The following AGPAT3 variants were observed in gnomAD, a reference collection of about 807,000 sequenced individuals.
AGPAT3 encodes 1-acyl-sn-glycerol-3-phosphate acyltransferase gamma.
A neutral mutation model predicts 47.3 loss-of-function variants in AGPAT3; 5 were observed. That is an observed-to-expected ratio of 0.11 (90% confidence interval 0.06 to 0.22). The LOEUF is 0.22. AGPAT3 is among the 10% of genes least tolerant of loss of function. The probability of loss-of-function intolerance (pLI) is 1.00; values close to 1 mark genes in which losing one functional copy is unlikely to be tolerated. For missense variants in AGPAT3, 315 were observed against 493.0 expected, an observed-to-expected ratio of 0.64 and a Z score of 3.42; for synonymous variants, 212 against 208.3, an observed-to-expected ratio of 1.02 and a Z score of -0.15.
At chr21:43,969,032 G>A in intron 4 of AGPAT3, 86 bp from the exon 5 acceptor site, 1 of 1,426,962 alleles carries the variant, frequency 7.0e-7, no homozygotes, top group Admixed American at 1.9e-5. Flanking sequence ...CACCACACAG[G>A]AGCTGGGTGC....
chr21:43,901,146 T>C (rs1178343476), intron 1 of AGPAT3, among the ~76,000 whole-genome samples: 1 of 151,808 alleles, frequency 6.6e-6, no homozygotes, highest in African/African-American at 2.4e-5. Context: ...TAAAAAGATA[T>C]GTGTTCTTTT....
chr21:43,968,582 T>C (rs1479256185), intron 4 of AGPAT3, among the ~76,000 whole-genome samples: 1 of 151,942 alleles, frequency 6.6e-6, no homozygotes, highest in Non-Finnish European at 1.5e-5. Context: ...TCCGAGTCCC[T>C]GGGTGTTCCT....
chr21:43,866,157 T>G (rs1601171091), intron 1 of AGPAT3, among the ~76,000 whole-genome samples: 1 of 145,304 alleles, frequency 6.9e-6, no homozygotes, highest in African/African-American at 2.5e-5. Context: ...AGAAGTTTAG[T>G]GACATGGGGA....
intron 1 of AGPAT3, among the ~76,000 whole-genome samples, chr21:43,899,023 A>G (rs1304573991): frequency 1.3e-5 from 2 of 152,076 alleles, no homozygotes; most frequent in Non-Finnish European, 2.9e-5. Context: ...GCCTGATTAC[A>G]TTTTGTGTTA....
chr21:43,960,084 CT>C (rs1177236324), intron 3 of AGPAT3, among the ~76,000 whole-genome samples: 1 of 152,222 alleles, frequency 6.6e-6, no homozygotes, highest in Non-Finnish European at 1.5e-5. Context: ...GCAATGGCAG[CT>C]TCCCACGGTT....
rs545228586 is a variant in AGPAT3, at chr21:43,880,360, G to A, written c.-112+15015G>A. Among the ~76,000 whole-genome samples the A allele has an allele frequency of 1.3e-5, 2 of 152,320 alleles. No homozygotes were observed. The highest frequency in any genetic ancestry group is 4.8e-5 in the African/African-American group (2 of 41,584). ...GAGAGGCATCTGCAGGGGCGGGGTG[G>A]GGCTCCTGGTCAGCCTGTTCTTGTC... On this transcript the variant is annotated intron_variant, in intron 1 of 9. Transcript: ENST00000291572. The surrounding 1 kb of genome is among the most constrained non-coding windows in gnomAD (Gnocchi z 4.5).
chr21:43,865,294 CG>C lies in AGPAT3; in HGVS notation c.-161del. ...GAGCGCGGCGGCCAGAGCGGGGCCG[CG>C]GAGGCGACGCCGGGGACGCCCGCGC... On this transcript the variant is annotated 5_prime_UTR_variant, in exon 1 of 10. Transcript: ENST00000291572. 1 of 146,922 alleles carries C rather than the reference CG, an allele frequency of 6.8e-6. No individual in the cohort carries two copies. Among genetic ancestry groups the C allele is most frequent in the Non-Finnish European group, 1.5e-5 (1 of 65,852 alleles). 9.1% of individuals were successfully genotyped at this position (146,922 alleles called of 1,614,324 possible).
intron 2 of AGPAT3, among the ~76,000 whole-genome samples, chr21:43,925,890 G>A (rs548316847): frequency 1.3e-5 from 2 of 152,262 alleles, no homozygotes; most frequent in Non-Finnish European, 2.9e-5. Flanking sequence ...TGTCCTGGGA[G>A]TAACAAACCC....
In AGPAT3 at chr21:43,975,959, A is replaced by G. The variant is rs377590086; in HGVS notation, c.768-2087A>G. ...CTCCCTTACGGAAGCGACTTGTGGG[A>G]GGCAGGGATGTGTGTTTTTCTTTTC... On this transcript the variant is annotated intron_variant, in intron 7 of 9. Coordinates refer to ENST00000291572, the MANE Select transcript of AGPAT3 (RefSeq NM_020132.5). Among the ~76,000 whole-genome samples the G allele has an allele frequency of 6.7e-5, 10 of 148,258 alleles. No individual in the cohort carries two copies. In the East Asian group the frequency reaches 2.0e-3, roughly 29 times the overall value.
rs564732447 is a variant in AGPAT3, at chr21:43,917,126, C to T, written c.-49+13107C>T. 9.0e-4 allele frequency among the ~76,000 whole-genome samples: 137 copies of T among 152,312 alleles called. 1 individual carries two copies. The highest frequency in any genetic ancestry group is 3.1e-3 in the African/African-American group (129 of 41,572). On this transcript the variant is annotated intron_variant, in intron 2 of 9. Coordinates refer to ENST00000291572, the MANE Select transcript of AGPAT3 (RefSeq NM_020132.5). ...CCCACTCTGCCCTGGCCTGCCCCAC[C>T]GCCCCATTTGCTGGGTTGTCCTCAA...
chr21:43,956,901 A>C (rs908734197), intron 2 of AGPAT3, among the ~76,000 whole-genome samples: 1 of 152,186 alleles, frequency 6.6e-6, no homozygotes, highest in African/African-American at 2.4e-5. Flanking sequence ...CACGTAGCAC[A>C]TTTCTGCAAG....
In AGPAT3 at chr21:43,986,801, T is replaced by C. The variant is rs2030344790; in HGVS notation, c.*4409T>C. 6.6e-6 allele frequency among the ~76,000 whole-genome samples: 1 copy of C among 152,230 alleles called. No homozygotes were observed. Among genetic ancestry groups the C allele is most frequent in the South Asian group, 2.1e-4 (1 of 4,832 alleles). On this transcript the variant is annotated 3_prime_UTR_variant, in exon 10 of 10. Transcript: ENST00000291572. ...GTTGGCCAGTTTCAAAGGGACCCAT[T>C]GTATACAGGGTGCAAATGTATTATA...
intron 2 of AGPAT3, among the ~76,000 whole-genome samples, chr21:43,917,810 GTT>G (rs1466654340): frequency 0.011 from 1,182 of 109,266 alleles, 11 homozygotes; most frequent in African/African-American, 0.05. Flanking sequence ...TGGGGGTTGT[GTT>G]GTGGGTGTTG....
At chr21:43,874,898 A>G (rs1312480192) in intron 1 of AGPAT3, among the ~76,000 whole-genome samples, 1 of 152,250 alleles carries the variant, frequency 6.6e-6, no homozygotes, top group African/African-American at 2.4e-5. Context: ...CACCATGGAT[A>G]CCAAAATTAG....
chr21:43,893,214 T>G (rs1054911705), intron 1 of AGPAT3, among the ~76,000 whole-genome samples: 4 of 152,268 alleles, frequency 2.6e-5, no homozygotes, highest in African/African-American at 9.6e-5. Flanking sequence ...TGCACTTTTA[T>G]GTGAAGAAGA....
intron 3 of AGPAT3, chr21:43,967,744 C>T: frequency 5.3e-6 from 3 of 567,212 alleles, no homozygotes; most frequent in Non-Finnish European, 9.3e-6. Flanking sequence ...CTGCTGCTAC[C>T]TTCCATCTGT....
At chr21:43,870,158 C>T (rs1382696693) in intron 1 of AGPAT3, among the ~76,000 whole-genome samples, 1 of 152,212 alleles carries the variant, frequency 6.6e-6, no homozygotes, top group African/African-American at 2.4e-5. Context: ...CCGTGGCTGG[C>T]AGTGAGCTGG....
chr21:43,877,303 T>G (rs1029378129), intron 1 of AGPAT3, among the ~76,000 whole-genome samples: 3 of 152,270 alleles, frequency 2.0e-5, no homozygotes, highest in African/African-American at 7.2e-5. Context: ...CAATTGGCTT[T>G]CTTCAGATGA....
At chr21:43,904,687 G>A (rs17004616) in intron 2 of AGPAT3, among the ~76,000 whole-genome samples, 1,544 of 152,234 alleles carry the variant, frequency 0.01, 36 homozygotes, top group African/African-American at 0.035. Flanking sequence ...GCAGCCCGTC[G>A]TCATAGGGCC....
Sources: allele counts gnomAD v4.1 joint callset (sites outside exome capture counted in the v4.1 genomes callset), GRCh38; gene constraint gnomAD v4.1.1; non-coding constraint Gnocchi (gnomAD v3.1); transcripts MANE v1.5; gene names NCBI Gene and HGNC (gene_info 2026-07-23, HGNC 2026-07-21).